The following SYT1 variants were observed in gnomAD, a reference collection of about 807,000 sequenced individuals.
The protein encoded by SYT1 is synaptotagmin 1.
Under a neutral mutation model 44.8 loss-of-function variants are expected in SYT1, and 8 were observed. The ratio of observed to expected loss-of-function variants is 0.18; its 90% CI spans 0.10 to 0.32. The LOEUF is 0.32. Among genes scored for constraint, SYT1 ranks in the 10% least tolerant of loss-of-function variants. The probability of loss-of-function intolerance (pLI) is 1.00; values close to 1 mark genes in which losing one functional copy is unlikely to be tolerated. For synonymous variants in SYT1, 154 were observed against 188.8 expected (o/e 0.82, Z 1.51); for missense variants, 286 against 509.3 (o/e 0.56, Z 4.22).
At chr12:79,184,674 C>T (rs1872713718) in intron 3 of SYT1, among the ~76,000 whole-genome samples, 2 of 152,042 alleles carry the variant, frequency 1.3e-5, no homozygotes, top group Admixed American at 1.3e-4. Context: ...ATCCAGCATT[C>T]AGAATATCTA....
intron 3 of SYT1, among the ~76,000 whole-genome samples, chr12:79,186,915 A>G (rs1872835438): frequency 6.6e-6 from 1 of 152,046 alleles, no homozygotes; most frequent in Non-Finnish European, 1.5e-5. Context: ...CCTGGAGATG[A>G]CAAATGTAAA....
At chr12:79,199,827 C>T (rs563053702) in intron 3 of SYT1, among the ~76,000 whole-genome samples, 12 of 151,900 alleles carry the variant, frequency 7.9e-5, no homozygotes, top group Non-Finnish European at 1.8e-4. Context: ...AAATCCTATC[C>T]CAAAACTCAG....
At chr12:79,358,940 C>T (rs542438411) in intron 9 of SYT1, among the ~76,000 whole-genome samples, 77 of 152,284 alleles carry the variant, frequency 5.1e-4, no homozygotes, top group African/African-American at 1.7e-3. Flanking sequence ...CTTCTCAGAA[C>T]CACAAATTGA....
At chr12:79,275,647 G>A (rs551719654) in intron 4 of SYT1, among the ~76,000 whole-genome samples, 15 of 152,208 alleles carry the variant, frequency 9.9e-5, no homozygotes, top group African/African-American at 2.2e-4. Flanking sequence ...AATGTATTTC[G>A]CTGGGAGCTC....
At chr12:79,000,537 G>A (rs1484887361) in intron 2 of SYT1, among the ~76,000 whole-genome samples, 2 of 152,056 alleles carry the variant, frequency 1.3e-5, no homozygotes, top group East Asian at 1.9e-4. Context: ...GACCTCAGGT[G>A]ATCCACCCAC....
chr12:79,144,724 C>A (rs974224711), intron 3 of SYT1, among the ~76,000 whole-genome samples: 1 of 152,182 alleles, frequency 6.6e-6, no homozygotes. Context: ...AAGAAATTGG[C>A]GTGGGATAAG....
chr12:79,194,831 T>C (rs1234475562), intron 3 of SYT1, among the ~76,000 whole-genome samples: 2 of 152,166 alleles, frequency 1.3e-5, no homozygotes, highest in Non-Finnish European at 2.9e-5. Context: ...TTCTAACCTA[T>C]AGAACTGTTT....
At chr12:79,414,698 C>T (rs917308855) in intron 9 of SYT1, among the ~76,000 whole-genome samples, 5 of 151,968 alleles carry the variant, frequency 3.3e-5, no homozygotes, top group Non-Finnish European at 7.4e-5. Flanking sequence ...AAAAGGAATA[C>T]AATTAATATA....
At chr12:79,081,570 G>A (rs1470940537) in intron 3 of SYT1, among the ~76,000 whole-genome samples, 1 of 151,864 alleles carries the variant, frequency 6.6e-6, no homozygotes, top group African/African-American at 2.4e-5. Context: ...AGTGGAGACG[G>A]GTTTCATCAT....
intron 2 of SYT1, among the ~76,000 whole-genome samples, chr12:79,034,608 G>A (rs1174295323): frequency 6.6e-6 from 1 of 151,676 alleles, no homozygotes; most frequent in Non-Finnish European, 1.5e-5. Context: ...TTGTGAAGCT[G>A]AATGTGATAA....
In SYT1 at chr12:78,904,958, A is replaced by G. The variant is rs1043811570; in HGVS notation, c.-217+39849A>G. On this transcript the variant is annotated intron_variant, in intron 1 of 10. Coordinates refer to ENST00000261205, the MANE Select transcript of SYT1 (RefSeq NM_005639.3). ...GTAATATTGTCCTATCTTGAGTCTC[A>G]ATTATCATTGTATTTAATCATCTTA... Among the ~76,000 whole-genome samples the G allele has an allele frequency of 3.3e-5, 5 of 152,164 alleles. No homozygotes were observed. In the South Asian group the frequency reaches 1.0e-3, roughly 31 times the overall value.
intron 3 of SYT1, among the ~76,000 whole-genome samples, chr12:79,099,196 A>G (rs1429732741): frequency 6.6e-6 from 1 of 152,122 alleles, no homozygotes; most frequent in East Asian, 1.9e-4. Context: ...TGATCCTGAG[A>G]AAACTGTTAA....
intron 3 of SYT1, among the ~76,000 whole-genome samples, chr12:79,083,850 G>A (rs1877202295): frequency 6.6e-6 from 1 of 152,104 alleles, no homozygotes; most frequent in Admixed American, 6.6e-5. Context: ...CTGATGCAAA[G>A]ATGTCAACAC....
chr12:78,864,505 C>T (rs1472446206), upstream of SYT1, among the ~76,000 whole-genome samples: 2 of 151,956 alleles, frequency 1.3e-5, no homozygotes, highest in Admixed American at 6.6e-5. Context: ...CCTCTTACTT[C>T]ACCCCCTCCC....
intron 4 of SYT1, among the ~76,000 whole-genome samples, chr12:79,222,134 T>C (rs1875201048): frequency 6.6e-6 from 1 of 152,156 alleles, no homozygotes; most frequent in Non-Finnish European, 1.5e-5. Flanking sequence ...TCCTGGCCTA[T>C]AAAATTTCTG....
chr12:79,391,725 A>G (rs1884664481), intron 9 of SYT1, among the ~76,000 whole-genome samples: 1 of 152,214 alleles, frequency 6.6e-6, no homozygotes, highest in African/African-American at 2.4e-5. Context: ...AAGAATTACA[A>G]ATGATTACAC....
At chr12:79,244,185 A>G (rs1876684676) in intron 4 of SYT1, among the ~76,000 whole-genome samples, 1 of 152,236 alleles carries the variant, frequency 6.6e-6, no homozygotes, top group African/African-American at 2.4e-5. Flanking sequence ...TTTCCTGGCC[A>G]AAAATTAAGA....
At chr12:78,879,061 G>A (rs548320611) in intron 1 of SYT1, among the ~76,000 whole-genome samples, 1 of 151,728 alleles carries the variant, frequency 6.6e-6, no homozygotes, top group Non-Finnish European at 1.5e-5. Flanking sequence ...CTAATTACAA[G>A]GATATAGGAA....
At chr12:79,081,993 A>G (rs58330357) in intron 3 of SYT1, among the ~76,000 whole-genome samples, 3,603 of 152,226 alleles carry the variant, frequency 0.024, 75 homozygotes, top group Middle Eastern at 0.075. Flanking sequence ...TTATTTTTCT[A>G]CAAAATAGAA....
Sources: gnomAD v4.1 joint callset for allele counts (sites outside exome capture counted in the v4.1 genomes callset) on GRCh38, gnomAD v4.1.1 for gene constraint, MANE v1.5 for transcripts, NCBI Gene and HGNC (gene_info 2026-07-23, HGNC 2026-07-21) for gene names.